Variants in DNAJC16 observed in about 807,000 individuals in gnomAD.
The protein encoded by DNAJC16 is DnaJ heat shock protein family (Hsp40) member C16.
A neutral mutation model predicts 92.7 loss-of-function variants in DNAJC16; 76 were observed. The ratio of observed to expected loss-of-function variants is 0.82; its 90% CI spans 0.68 to 0.99. The LOEUF (loss-of-function observed/expected upper bound fraction) is 0.99. Among genes scored for constraint, DNAJC16 ranks in the 50% least tolerant of loss-of-function variants. The pLI is 0.00. For missense variants in DNAJC16, 869 were observed against 942.4 expected (o/e 0.92, Z 1.02); for synonymous variants, 328 against 358.7 (o/e 0.91, Z 0.97).
chr1:15,546,376 CATGATAGATAG>C (rs1638304372), intron 5 of DNAJC16, among the ~76,000 whole-genome samples: 1 of 151,938 alleles, frequency 6.6e-6, no homozygotes, highest in African/African-American at 2.4e-5. Flanking sequence ...GAGACTGAGG[CATGATAGATAG>C]ATGATAGATA....
intron 1 of DNAJC16, among the ~76,000 whole-genome samples, 189 bp from the exon 2 acceptor site, chr1:15,528,899 C>G (rs1710585715): frequency 6.6e-6 from 1 of 152,092 alleles, no homozygotes; most frequent in Non-Finnish European, 1.5e-5. Context: ...TGTAATAGTT[C>G]TCATTTGTGA....
chr1:15,533,543 G>A (rs144021110), intron 2 of DNAJC16, among the ~76,000 whole-genome samples: 4,776 of 152,178 alleles, frequency 0.031, 122 homozygotes, highest in Non-Finnish European at 0.047. Flanking sequence ...CAAGAGAATC[G>A]CTTGAGCCTG....
intron 7 of DNAJC16, among the ~76,000 whole-genome samples, chr1:15,550,447 AC>A (rs1456175732): frequency 6.6e-6 from 1 of 152,192 alleles, no homozygotes; most frequent in Admixed American, 6.5e-5. Context: ...CACTAGTAGC[AC>A]CAGTGGTTTC....
chr1:15,548,116 T>C (rs146869551), intron 6 of DNAJC16, among the ~76,000 whole-genome samples, 154 bp from the exon 7 acceptor site: 7 of 152,196 alleles, frequency 4.6e-5, no homozygotes, highest in Admixed American at 2.6e-4. Flanking sequence ...TGGAACACCA[T>C]AGAATGGAAG....
chr1:15,536,307 C>T (rs1016979088), intron 3 of DNAJC16, among the ~76,000 whole-genome samples, 168 bp from the exon 4 acceptor site: 7 of 151,682 alleles, frequency 4.6e-5, no homozygotes, highest in South Asian at 4.2e-4. Flanking sequence ...CTCAAACTCC[C>T]GACCTCAAGT....
intron 2 of DNAJC16, among the ~76,000 whole-genome samples, chr1:15,531,997 T>C (rs1485815829): frequency 1.3e-5 from 2 of 152,234 alleles, no homozygotes; most frequent in Non-Finnish European, 2.9e-5. Flanking sequence ...TTAGACTGCT[T>C]AAGAATTTTA....
Position 15,529,218 on chromosome 1 carries a change from G to A in DNAJC16, c.113G>A (p.Arg38Gln), listed in dbSNP as rs1476361840. ...FDPYRVLGVS[R>Q]TASQADIKKA... ...CCATACAGAGTCCTAGGGGTCAGCC[G>A]AACAGCCAGTCAGGCTGATATTAAA... Residue 38 changes from arginine (R) to glutamine (Q), a missense_variant, in exon 2 of 15, where the codon CGA becomes CAA. Physicochemically the swap from Arg to Gln is conservative, Grantham distance 43 (BLOSUM62 1). Transcript: ENST00000375847. The A allele has an allele frequency of 8.1e-6, 13 of 1,613,174 alleles. No homozygotes were observed. The highest frequency in any genetic ancestry group is 6.7e-5 in the East Asian group (3 of 44,868).
intron 4 of DNAJC16, among the ~76,000 whole-genome samples, chr1:15,539,158 A>G (rs1240554628): frequency 6.6e-6 from 1 of 152,214 alleles, no homozygotes; most frequent in Non-Finnish European, 1.5e-5. Context: ...TTAATTCCCG[A>G]GGGTGTGCAG....
chr1:15,544,130 ATTTTG>A (rs1350013586), intron 4 of DNAJC16, among the ~76,000 whole-genome samples: 1 of 147,854 alleles, frequency 6.8e-6, no homozygotes, highest in African/African-American at 2.5e-5. Context: ...AGATGACCCC[ATTTTG>A]TTTTATGTAT....
At position 15,548,317 on chromosome 1, in the gene DNAJC16, T is replaced by C. The variant is rs749175942; in HGVS notation, c.912T>C (p.Tyr304=). The C allele has an allele frequency of 2.3e-5, 37 of 1,614,092 alleles. No homozygotes were observed. The highest frequency in any genetic ancestry group is 2.1e-5 in the Non-Finnish European group (25 of 1,180,028). ...ATTATTTATCATTTGGATATGTATATGTGGGTTTGAGAGGGACGGAAGAGA... is the reference window on the plus strand; with the variant it reads ...ATTATTTATCATTTGGATATGTATACGTGGGTTTGAGAGGGACGGAAGAGA... ...YKDYLSFGYV[Y]VGLRGTEEMT... Residue 304 remains tyrosine (Y), a synonymous_variant, in exon 7 of 15, where the codon TAT becomes TAC. Coordinates refer to ENST00000375847, the MANE Select transcript of DNAJC16 (RefSeq NM_015291.4).
chr1:15,550,256 G>A (rs148622645), intron 7 of DNAJC16, among the ~76,000 whole-genome samples: 293 of 152,272 alleles, frequency 1.9e-3, no homozygotes, highest in Non-Finnish European at 3.2e-3. Context: ...TTCCTAAATT[G>A]GTCTTTCGGA....
intron 2 of DNAJC16, among the ~76,000 whole-genome samples, chr1:15,531,577 C>G (rs1710661780): frequency 6.6e-6 from 1 of 152,190 alleles, no homozygotes; most frequent in Non-Finnish European, 1.5e-5. Flanking sequence ...CAAGTGACAG[C>G]TTGAGTATGT....
rs1173835142 is a variant in DNAJC16 at position 15,566,073 on chromosome 1, T to C, written c.1680-9T>C. The C allele has an allele frequency of 6.8e-6, 11 of 1,612,932 alleles. No individual in the cohort carries two copies. Among genetic ancestry groups the C allele is most frequent in the Admixed American group, 1.7e-5 (1 of 59,614 alleles). On this transcript the variant is annotated splice_polypyrimidine_tract_variant and intron_variant, in intron 12 of 14. Transcript: ENST00000375847. ...CTTTTTTTGTAAAACTCCTTTTTTC[T>C]TACTTTAGCGACTCTAATGATGAGC...
chr1:15,564,073 G>T lies in DNAJC16; in HGVS notation c.1483G>T (p.Glu495Ter). 6.2e-7 allele frequency: 1 copy of T among 1,614,180 alleles called. No homozygotes were observed. The highest frequency in any genetic ancestry group is 8.5e-7 in the Non-Finnish European group (1 of 1,180,014). Residue 495 changes from glutamate (E) to a stop codon, truncating the protein, a stop_gained, in exon 10 of 15, where the codon GAA becomes TAA. Coordinates refer to ENST00000375847, the MANE Select transcript of DNAJC16 (RefSeq NM_015291.4). LOFTEE classifies it high-confidence loss of function. ...TAAAGATCCAGCTCTTCTGTCCTCT[G>T]AAGCAGTGCTTCCTGACCTGACCGA... is the stretch of plus-strand genomic sequence containing the variant. ...LRKDPALLSSEAVLPDLTDEL... is the reference protein window; with the variant it reads ...LRKDPALLSS
intron 11 of DNAJC16, 150 bp from the exon 12 acceptor site, chr1:15,565,769 C>G: frequency 1.4e-6 from 1 of 737,556 alleles, no homozygotes; most frequent in Non-Finnish European, 2.3e-6. Flanking sequence ...CCTCCACCAC[C>G]TCCACCCGCC....
chr1:15,529,882 A>G (rs1023421265), intron 2 of DNAJC16, among the ~76,000 whole-genome samples: 3 of 152,176 alleles, frequency 2.0e-5, no homozygotes, highest in African/African-American at 7.2e-5. Context: ...GTCCTCTCAT[A>G]TACTTTAAAT....
Position 15,527,920 on chromosome 1 carries a change from T to A in DNAJC16, c.-19+962T>A, listed in dbSNP as rs138521992. On this transcript the variant is annotated intron_variant, in intron 1 of 14. Coordinates refer to ENST00000375847, the MANE Select transcript of DNAJC16 (RefSeq NM_015291.4). ...TGTAGGGTATAACAGCAATCATAAT[T>A]GTGGAGTATAAATATCTGCAGTTCC... is the stretch of plus-strand genomic sequence containing the variant. Among the ~76,000 whole-genome samples the A allele has an allele frequency of 6.2e-3, 945 of 152,346 alleles. 12 individuals carry two copies. The highest frequency in any genetic ancestry group is 0.021 in the African/African-American group (863 of 41,562).
intron 9 of DNAJC16, among the ~76,000 whole-genome samples, chr1:15,562,798 AAC>A (rs1437316847): frequency 2.0e-5 from 3 of 151,838 alleles, no homozygotes; most frequent in Admixed American, 1.3e-4. Context: ...CTACTCTTAA[AAC>A]AGTTTTTGAC....
chr1:15,535,245 C>A (rs943683073), intron 3 of DNAJC16, among the ~76,000 whole-genome samples: 1 of 152,194 alleles, frequency 6.6e-6, no homozygotes, highest in Non-Finnish European at 1.5e-5. Context: ...CCAGGTATGA[C>A]CAGGTCAATT....
Sources: allele counts gnomAD v4.1 joint callset (sites outside exome capture counted in the v4.1 genomes callset), GRCh38; gene constraint gnomAD v4.1.1; transcripts MANE v1.5; gene names NCBI Gene and HGNC (gene_info 2026-07-23, HGNC 2026-07-21).